Variants in GDPD4 observed in about 807,000 individuals in gnomAD.
The protein encoded by GDPD4 is glycerophosphodiester phosphodiesterase 6.
In GDPD4, 60 loss-of-function variants were observed where a neutral mutation model predicts 67.8. The observed-to-expected ratio is 0.88, with a 90% CI of 0.72 to 1.10. GDPD4 has a LOEUF of 1.10. GDPD4 is among the 50% of genes least tolerant of loss of function. The pLI is 0.00. For missense variants in GDPD4, 623 were observed against 613.9 expected, an observed-to-expected ratio of 1.01 and a Z score of -0.16; for synonymous variants, 212 against 210.9, an observed-to-expected ratio of 1.00 and a Z score of -0.04.
chr11:77,297,599 T>C (rs868019327), intron 1 of GDPD4, among the ~76,000 whole-genome samples: 1 of 152,266 alleles, frequency 6.6e-6, no homozygotes, highest in Middle Eastern at 3.4e-3. Context: ...TATCCCAGCT[T>C]TGCCATATTT....
chr11:77,277,882 A>C (rs899202611), intron 4 of GDPD4, among the ~76,000 whole-genome samples: 12 of 151,220 alleles, frequency 7.9e-5, no homozygotes, highest in Non-Finnish European at 1.3e-4. Flanking sequence ...TAGTGCTATA[A>C]ATTTCCCTCT....
At chr11:77,248,073 AAAAG>A (rs1295234292) in intron 11 of GDPD4, among the ~76,000 whole-genome samples, 3 of 143,032 alleles carry the variant, frequency 2.1e-5, no homozygotes, top group Admixed American at 6.9e-5. Context: ...AAAAAAAAAG[AAAAG>A]AAAGAAAGAA....
chr11:77,275,211 T>A (rs892598469), intron 5 of GDPD4, among the ~76,000 whole-genome samples: 2 of 152,144 alleles, frequency 1.3e-5, no homozygotes, highest in Non-Finnish European at 2.9e-5. Flanking sequence ...TATCAATTTT[T>A]AAAAACCATG....
intron 1 of GDPD4, among the ~76,000 whole-genome samples, chr11:77,297,242 T>C (rs1177189968): frequency 1.3e-5 from 2 of 151,648 alleles, no homozygotes; most frequent in Non-Finnish European, 2.9e-5. Context: ...AAATAGTTCA[T>C]AATTTAAAAA....
At chr11:77,233,236 G>T (rs1591533385) in intron 13 of GDPD4, 64 bp from the exon 14 acceptor site, 1 of 1,507,806 alleles carries the variant, frequency 6.6e-7, no homozygotes, top group Non-Finnish European at 9.2e-7. Flanking sequence ...TCTAAAAGGA[G>T]AACAGCCACC....
At chr11:77,257,334 T>C (rs1400560891) in intron 11 of GDPD4, among the ~76,000 whole-genome samples, 1 of 152,208 alleles carries the variant, frequency 6.6e-6, no homozygotes, top group Non-Finnish European at 1.5e-5. Flanking sequence ...CTTTAATCTA[T>C]CTTGAGAAAG....
At chr11:77,284,981 C>T (rs1021249907) in intron 3 of GDPD4, 104 bp downstream of exon 3, 1 of 850,870 alleles carries the variant, frequency 1.2e-6, no homozygotes. Context: ...TTTTGTCCGC[C>T]TTCCCTACTA....
chr11:77,226,501 TAAG>T (rs997737422), intron 16 of GDPD4, among the ~76,000 whole-genome samples: 2 of 152,150 alleles, frequency 1.3e-5, no homozygotes, highest in South Asian at 2.1e-4. Flanking sequence ...GCATTCAAGC[TAAG>T]AAGACAGTGC....
At chr11:77,270,378 G>A (rs573208977) in intron 7 of GDPD4, among the ~76,000 whole-genome samples, 1 of 152,336 alleles carries the variant, frequency 6.6e-6, no homozygotes, top group African/African-American at 2.4e-5. Context: ...ACTGCTTTGA[G>A]TTACTTGGAT....
chr11:77,265,519 T>C (rs1959174188), intron 10 of GDPD4, among the ~76,000 whole-genome samples: 1 of 152,140 alleles, frequency 6.6e-6, no homozygotes, highest in African/African-American at 2.4e-5. Context: ...TTGTAAGAAA[T>C]ACAGAGAGAT....
At position 77,217,259 on chromosome 11, in the gene GDPD4, A is replaced by C; in HGVS notation, c.*18T>G. ...AACTCGGACAGGAGGTTTCATGGCT[A>C]TGTGCAAATCTATCTATCTATCTAT... On this transcript the variant is annotated 3_prime_UTR_variant, in exon 17 of 17. Transcript: ENST00000315938. 1 of 1,586,690 alleles carries C rather than the reference A, an allele frequency of 6.3e-7. No individual in the cohort carries two copies. The highest frequency in any genetic ancestry group is 8.7e-7 in the Non-Finnish European group (1 of 1,154,944).
At chr11:77,264,457 A>T (rs1369433368) in intron 10 of GDPD4, among the ~76,000 whole-genome samples, 2 of 152,082 alleles carry the variant, frequency 1.3e-5, no homozygotes, top group African/African-American at 4.8e-5. Context: ...GCAAGAAGGG[A>T]AGAAGGAGCC....
intron 5 of GDPD4, among the ~76,000 whole-genome samples, chr11:77,271,795 G>C (rs1591565602): frequency 6.6e-6 from 1 of 152,134 alleles, no homozygotes; most frequent in Non-Finnish European, 1.5e-5. Context: ...ATAATACTCT[G>C]TAATTGCCTT....
intron 7 of GDPD4, chr11:77,270,836 C>T: frequency 3.3e-6 from 1 of 304,194 alleles, no homozygotes; most frequent in East Asian, 7.7e-5. Context: ...CGTCACCCAC[C>T]ATCCATCTTC....
At chr11:77,295,251 G>T (rs1460753032) in intron 1 of GDPD4, among the ~76,000 whole-genome samples, 1 of 151,630 alleles carries the variant, frequency 6.6e-6, no homozygotes, top group Admixed American at 6.6e-5. Context: ...GCCTCCCAAA[G>T]TGCTGGGATT....
At chr11:77,224,680 A>T (rs1283159443) in intron 16 of GDPD4, among the ~76,000 whole-genome samples, 1 of 152,212 alleles carries the variant, frequency 6.6e-6, no homozygotes, top group Non-Finnish European at 1.5e-5. Flanking sequence ...CTCAAATAAG[A>T]TTGTAGCCCC....
intron 14 of GDPD4, among the ~76,000 whole-genome samples, chr11:77,230,567 AAC>A (rs796519552): frequency 3.3e-5 from 5 of 152,356 alleles, no homozygotes; most frequent in African/African-American, 9.6e-5. Flanking sequence ...GCTTAAAACA[AAC>A]AGTTAGAAAT....
At chr11:77,268,739 A>G (rs1452980297) in intron 9 of GDPD4, among the ~76,000 whole-genome samples, 185 bp downstream of exon 9, 3 of 152,324 alleles carry the variant, frequency 2.0e-5, no homozygotes, top group Admixed American at 2.0e-4. Context: ...GGCACAGTAA[A>G]GAGAAATGGA....
At chr11:77,277,810 T>G (rs1465471576) in intron 4 of GDPD4, among the ~76,000 whole-genome samples, 1 of 151,902 alleles carries the variant, frequency 6.6e-6, no homozygotes, top group African/African-American at 2.4e-5. Context: ...CTTCTCTAGT[T>G]CTTTTAATTG....
Sources: gnomAD v4.1 joint callset for allele counts (sites outside exome capture counted in the v4.1 genomes callset) on GRCh38, gnomAD v4.1.1 for gene constraint, MANE v1.5 for transcripts, NCBI Gene and HGNC (gene_info 2026-07-23, HGNC 2026-07-21) for gene names.